ATRNL1: variants seen among roughly 807,000 people sequenced by gnomAD.
ATRNL1 encodes the protein attractin-like protein 1.
A neutral mutation model predicts 182.7 loss-of-function variants in ATRNL1; 95 were observed. The ratio of observed to expected loss-of-function variants is 0.52; its 90% CI spans 0.44 to 0.62. The LOEUF (loss-of-function observed/expected upper bound fraction) is 0.62, where lower values mean the gene tolerates loss of function less well. Among genes scored for constraint, ATRNL1 ranks in the 20% least tolerant of loss-of-function variants. The probability of loss-of-function intolerance (pLI) is 0.00; values close to 1 mark genes in which losing one functional copy is unlikely to be tolerated. For synonymous variants in ATRNL1, 576 were observed against 568.3 expected (o/e 1.01, Z -0.19); for missense variants, 1,471 against 1,679.5 (o/e 0.88, Z 2.17).
At chr10:115,458,623 T>C (rs1292884618) in intron 21 of ATRNL1, among the ~76,000 whole-genome samples, 1 of 152,132 alleles carries the variant, frequency 6.6e-6, no homozygotes, top group Non-Finnish European at 1.5e-5. Context: ...TTGTGGCAGA[T>C]GCTGGAGTCC....
intron 26 of ATRNL1, among the ~76,000 whole-genome samples, chr10:115,614,315 A>G (rs1461662769): frequency 1.3e-5 from 2 of 151,812 alleles, no homozygotes; most frequent in Non-Finnish European, 2.9e-5. Flanking sequence ...ATTTCAATGT[A>G]TTTGTACAAT....
chr10:115,150,734 A>G (rs11197085), intron 5 of ATRNL1, among the ~76,000 whole-genome samples: 46,433 of 151,744 alleles, frequency 0.31, 8,206 homozygotes, highest in Middle Eastern at 0.44. Context: ...AAGTTTTTTT[A>G]TTATTATACT....
chr10:115,686,554 T>C (rs548650674), intron 26 of ATRNL1, among the ~76,000 whole-genome samples: 1 of 152,144 alleles, frequency 6.6e-6, no homozygotes, highest in East Asian at 1.9e-4. Context: ...CTCTATCTTA[T>C]TTATCTTTTC....
chr10:115,230,364 C>T (rs782170746), intron 9 of ATRNL1, among the ~76,000 whole-genome samples: 1 of 151,998 alleles, frequency 6.6e-6, no homozygotes, highest in Non-Finnish European at 1.5e-5. Flanking sequence ...AACCTAAAGG[C>T]GATTAAGGAG....
At chr10:115,418,962 TAAAGA>T (rs1171610481) in intron 20 of ATRNL1, among the ~76,000 whole-genome samples, 1 of 152,168 alleles carries the variant, frequency 6.6e-6, no homozygotes, top group Non-Finnish European at 1.5e-5. Flanking sequence ...TCTTCAAACT[TAAAGA>T]AAAGAATACT....
chr10:115,597,476 A>G (rs1426929443), intron 26 of ATRNL1: 1 of 335,950 alleles, frequency 3.0e-6, no homozygotes, highest in Non-Finnish European at 5.8e-6. Flanking sequence ...TGGCAATCGA[A>G]TACAAATGTG....
chr10:115,641,626 A>G (rs1330728040), intron 26 of ATRNL1, among the ~76,000 whole-genome samples: 2 of 152,276 alleles, frequency 1.3e-5, no homozygotes, highest in East Asian at 1.9e-4. Flanking sequence ...ACTAAATTCT[A>G]TATTATTTCA....
intron 28 of ATRNL1, among the ~76,000 whole-genome samples, chr10:115,936,169 T>G (rs535410512): frequency 6.6e-6 from 1 of 152,256 alleles, no homozygotes; most frequent in Non-Finnish European, 1.5e-5. Flanking sequence ...GTCTACTATT[T>G]CCTATTTGAC....
intron 28 of ATRNL1, among the ~76,000 whole-genome samples, chr10:115,892,476 C>T (rs182469163): frequency 6.6e-6 from 1 of 152,210 alleles, no homozygotes; most frequent in East Asian, 1.9e-4. Flanking sequence ...TTATATGATA[C>T]ACCACTTTTT....
At chr10:115,882,359 T>G (rs1455069877) in intron 28 of ATRNL1, among the ~76,000 whole-genome samples, 1 of 152,214 alleles carries the variant, frequency 6.6e-6, no homozygotes, top group Non-Finnish European at 1.5e-5. Context: ...TTCACCGAAC[T>G]GCCTAAATAA....
At chr10:115,390,048 C>A (rs1554954009) in intron 19 of ATRNL1, among the ~76,000 whole-genome samples, 2 of 151,984 alleles carry the variant, frequency 1.3e-5, no homozygotes, top group African/African-American at 4.8e-5. Flanking sequence ...TGTGTTCTTT[C>A]TTTTCTTGCT....
chr10:115,624,950 T>G (rs1857995483), intron 26 of ATRNL1, among the ~76,000 whole-genome samples: 1 of 152,140 alleles, frequency 6.6e-6, no homozygotes, highest in Non-Finnish European at 1.5e-5. Context: ...ATTTCAAATG[T>G]TTTCAGGCAA....
chr10:115,355,263 T>G (rs1230745846), intron 19 of ATRNL1, among the ~76,000 whole-genome samples: 1 of 152,176 alleles, frequency 6.6e-6, no homozygotes, highest in African/African-American at 2.4e-5. Context: ...AGTCTGGCAT[T>G]GTTTATACCT....
intron 28 of ATRNL1, among the ~76,000 whole-genome samples, chr10:115,886,484 A>C (rs1951948717): frequency 6.6e-6 from 1 of 152,234 alleles, no homozygotes; most frequent in Non-Finnish European, 1.5e-5. Context: ...ATTGCACTCC[A>C]GCCTGGGCAA....
intron 24 of ATRNL1, among the ~76,000 whole-genome samples, chr10:115,491,773 G>A (rs1336682421): frequency 1.1e-4 from 16 of 152,098 alleles, no homozygotes; most frequent in East Asian, 1.9e-4. Context: ...CCTGGCTGGC[G>A]TTCCAGGTGC....
intron 21 of ATRNL1, among the ~76,000 whole-genome samples, chr10:115,435,029 C>CTTT (rs34902658): frequency 1.5e-4 from 20 of 130,946 alleles, no homozygotes; most frequent in South Asian, 5.0e-4. Context: ...AAACCTGGGA[C>CTTT]TTTTTTTTTT....
chr10:115,934,351 C>G (rs1252392453), intron 28 of ATRNL1, among the ~76,000 whole-genome samples: 1 of 152,186 alleles, frequency 6.6e-6, no homozygotes, highest in African/African-American at 2.4e-5. Context: ...TCCATCTATG[C>G]TAATTACTCC....
chr10:115,491,419 C>CTT (rs34792755), intron 24 of ATRNL1, among the ~76,000 whole-genome samples: 29 of 149,472 alleles, frequency 1.9e-4, no homozygotes, highest in Non-Finnish European at 2.2e-4. Context: ...GGGCTGCTGC[C>CTT]TTTTTTTTTT....
chr10:115,368,460 G>A (rs1395510167), intron 19 of ATRNL1, among the ~76,000 whole-genome samples: 2 of 152,308 alleles, frequency 1.3e-5, no homozygotes, highest in South Asian at 2.1e-4. Context: ...TACCTCAGAT[G>A]GAAATGCAGA....
Sources: allele counts gnomAD v4.1 joint callset (sites outside exome capture counted in the v4.1 genomes callset), GRCh38; gene constraint gnomAD v4.1.1; transcripts MANE v1.5; gene names NCBI Gene and HGNC (gene_info 2026-07-23, HGNC 2026-07-21).